The following SYNCRIP variants were observed in gnomAD, a reference collection of about 807,000 sequenced individuals.
SYNCRIP encodes the protein heterogeneous nuclear ribonucleoprotein Q.
Under a neutral mutation model 68.9 loss-of-function variants are expected in SYNCRIP, and 9 were observed. That is an observed-to-expected ratio of 0.13 (90% CI 0.08 to 0.23). The LOEUF (loss-of-function observed/expected upper bound fraction) is 0.23, where lower values mean the gene tolerates loss of function less well. Ranked by LOEUF, SYNCRIP falls within the 10% of genes least tolerant of loss-of-function variation. SYNCRIP has a pLI of 1.00. For synonymous variants in SYNCRIP, 258 were observed against 254.0 expected, an observed-to-expected ratio of 1.02 and a Z score of -0.15; for missense variants, 414 against 770.6, an observed-to-expected ratio of 0.54 and a Z score of 5.48.
At chr6:85,613,383 G>GT (rs1805407797), downstream of SYNCRIP, among the ~76,000 whole-genome samples, 1 of 152,178 alleles carries the variant, frequency 6.6e-6, no homozygotes, top group South Asian at 2.1e-4. Flanking sequence ...TTCAAGTCAT[G>GT]TATTTTTCAC....
Position 85,614,207 on chromosome 6 carries a change from G to A in SYNCRIP, c.*549C>T, listed in dbSNP as rs1209409274. ...AAAACGAATTGTAAACACAATTTTA[G>A]TAAGTATACATTTAGGTGTGAATTT... On this transcript the variant is annotated 3_prime_UTR_variant, in exon 11 of 11. Transcript: ENST00000369622. 4 of 985,442 alleles carry A rather than the reference G, an allele frequency of 4.1e-6. No homozygotes were observed. Among genetic ancestry groups the A allele is most frequent in the East Asian group, 2.3e-4 (2 of 8,834 alleles). The allele number at this position is 985,442 out of a possible 1,614,324, so 61.0% of individuals were successfully genotyped here. A position where few individuals can be genotyped will look rare whatever the true frequency, so the allele number is the denominator to read the frequency against.
At chr6:85,623,562 C>CAAAAA (rs67258131) in intron 7 of SYNCRIP, among the ~76,000 whole-genome samples, 49 of 63,252 alleles carry the variant, frequency 7.7e-4, no homozygotes, top group African/African-American at 1.6e-3. Context: ...AGACTGTCTC[C>CAAAAA]AAAAAAAAAA....
intron 6 of SYNCRIP, among the ~76,000 whole-genome samples, chr6:85,626,217 TG>T (rs1293952728): frequency 6.6e-6 from 1 of 152,238 alleles, no homozygotes; most frequent in Non-Finnish European, 1.5e-5. Flanking sequence ...TGCCTTATTT[TG>T]CAAGTAAAAT....
downstream of SYNCRIP, chr6:85,611,732 T>C: frequency 6.6e-6 from 1 of 152,494 alleles, no homozygotes; most frequent in African/African-American, 2.4e-5. Context: ...CAAGTTATCA[T>C]GACCTGCATA....
chr6:85,622,474 A>G lies in SYNCRIP; in HGVS notation c.1008+8T>C, dbSNP rs1583266066. ...CTCAAAAAATATTTTTAACTTGACT[A>G]TCATTACCTTTGCCATAACCTCAGG... is the stretch of plus-strand genomic sequence containing the variant. On this transcript the variant is annotated splice_region_variant and intron_variant, in intron 8 of 10. Coordinates refer to ENST00000369622, the MANE Select transcript of SYNCRIP (RefSeq NM_006372.5). The G allele has an allele frequency of 6.2e-7, 1 of 1,613,328 alleles. No homozygotes were observed. The highest frequency in any genetic ancestry group is 8.5e-7 in the Non-Finnish European group (1 of 1,179,732).
At chr6:85,619,857 A>G (rs1371288457) in intron 8 of SYNCRIP, among the ~76,000 whole-genome samples, 2 of 152,200 alleles carry the variant, frequency 1.3e-5, no homozygotes, top group Non-Finnish European at 2.9e-5. Flanking sequence ...ACACTTCCAT[A>G]TGACCCAGCA....
chr6:85,639,227 C>G (rs572538666), intron 4 of SYNCRIP, among the ~76,000 whole-genome samples: 144 of 152,126 alleles, frequency 9.5e-4, no homozygotes, highest in Admixed American at 3.3e-3. Context: ...AACAAACAAA[C>G]AAACAAAAAA....
intron 8 of SYNCRIP, among the ~76,000 whole-genome samples, chr6:85,621,780 T>G (rs1416849398): frequency 6.6e-6 from 1 of 152,170 alleles, no homozygotes; most frequent in Non-Finnish European, 1.5e-5. Context: ...GCACCTCTGC[T>G]GCGGCCAGTA....
chr6:85,609,002 C>A (rs1483389089), downstream of SYNCRIP: 1 of 151,960 alleles, frequency 6.6e-6, no homozygotes, highest in Non-Finnish European at 1.5e-5. Flanking sequence ...GTGGTATCAT[C>A]ACTGAGTAAT....
chr6:85,616,168 T>TAG (rs750355249), intron 10 of SYNCRIP, among the ~76,000 whole-genome samples: 15 of 152,326 alleles, frequency 9.8e-5, no homozygotes, highest in Middle Eastern at 3.4e-3. Flanking sequence ...TAAACGAAGT[T>TAG]ACAATATTCC....
intron 10 of SYNCRIP, among the ~76,000 whole-genome samples, 191 bp from the exon 11 acceptor site, chr6:85,615,538 C>T (rs183248326): frequency 5.3e-4 from 80 of 152,314 alleles, no homozygotes; most frequent in African/African-American, 1.8e-3. Context: ...ACAATATAGG[C>T]ATCCCAAAAT....
chr6:85,624,735 T>C (rs1281590724), intron 6 of SYNCRIP, among the ~76,000 whole-genome samples: 2 of 152,194 alleles, frequency 1.3e-5, no homozygotes, highest in African/African-American at 2.4e-5. Flanking sequence ...CGAGTAACCA[T>C]ATCCCAGATT....
intron 6 of SYNCRIP, among the ~76,000 whole-genome samples, chr6:85,635,525 T>C (rs1808336847): frequency 6.6e-6 from 1 of 151,858 alleles, no homozygotes; most frequent in Non-Finnish European, 1.5e-5. Context: ...ATCCCAGCAC[T>C]TTGCGGGGCT....
intron 8 of SYNCRIP, among the ~76,000 whole-genome samples, chr6:85,619,850 C>T (rs1424705552): frequency 6.6e-6 from 1 of 152,230 alleles, no homozygotes; most frequent in Non-Finnish European, 1.5e-5. Context: ...TAAACACACA[C>T]TTCCATATGA....
At chr6:85,635,508 G>A (rs1211494766) in intron 6 of SYNCRIP, among the ~76,000 whole-genome samples, 3 of 152,062 alleles carry the variant, frequency 2.0e-5, no homozygotes, top group African/African-American at 2.4e-5. Context: ...AGTGGCACAC[G>A]TCTGCAATCC....
chr6:85,621,964 A>AGGCGAC (rs1806462675), intron 8 of SYNCRIP, among the ~76,000 whole-genome samples: 1 of 152,194 alleles, frequency 6.6e-6, no homozygotes, highest in African/African-American at 2.4e-5. Flanking sequence ...ATGGCTAAGT[A>AGGCGAC]TCCACGCATC....
At chr6:85,640,866 A>C (rs1411769873) in intron 2 of SYNCRIP, among the ~76,000 whole-genome samples, 1 of 152,218 alleles carries the variant, frequency 6.6e-6, no homozygotes, top group African/African-American at 2.4e-5. Flanking sequence ...AGAATCAACC[A>C]ACAAAGTACC....
rs1805540905 is a variant in SYNCRIP at position 85,614,534 on chromosome 6, T to G, written c.*222A>C. The G allele has an allele frequency of 8.0e-7, 1 of 1,250,680 alleles. No homozygotes were observed. 77.5% of individuals were successfully genotyped at this position (1,250,680 alleles called of 1,614,324 possible). A position where few individuals can be genotyped will look rare whatever the true frequency, so the allele number is the denominator to read the frequency against. On this transcript the variant is annotated 3_prime_UTR_variant, in exon 11 of 11. Coordinates refer to ENST00000369622, the MANE Select transcript of SYNCRIP (RefSeq NM_006372.5). The stretch of plus-strand genomic sequence containing the variant: ...AAATGCAAACTCATTAACTATTTCT[T>G]TCAGTATCTAAGAATATCTTTATTG...
intron 2 of SYNCRIP, 53 bp from the exon 3 acceptor site, chr6:85,640,617 G>C (rs1809013758): frequency 8.5e-7 from 1 of 1,178,814 alleles, no homozygotes; most frequent in African/African-American, 1.6e-5. Flanking sequence ...AGATTTTTTA[G>C]AGAAGACTAT....
Sources: allele counts gnomAD v4.1 joint callset (sites outside exome capture counted in the v4.1 genomes callset), GRCh38; gene constraint gnomAD v4.1.1; transcripts MANE v1.5; gene names NCBI Gene and HGNC (gene_info 2026-07-23, HGNC 2026-07-21).